Variants in PDE3A observed in about 807,000 individuals in gnomAD.
The protein encoded by PDE3A is phosphodiesterase 3A.
In PDE3A, 43 loss-of-function variants were observed where a neutral mutation model predicts 98.3. The ratio of observed to expected loss-of-function variants is 0.44; its 90% CI spans 0.34 to 0.56. PDE3A has a LOEUF of 0.56. PDE3A is among the 20% of genes least tolerant of loss of function. PDE3A has a pLI of 0.01. For synonymous variants in PDE3A, 663 were observed against 567.9 expected (o/e 1.17, Z -2.38); for missense variants, 1,427 against 1,440.7 (o/e 0.99, Z 0.15).
At chr12:20,564,523 G>T (rs1018515101) in intron 2 of PDE3A, among the ~76,000 whole-genome samples, 3 of 152,044 alleles carry the variant, frequency 2.0e-5, no homozygotes, top group African/African-American at 7.2e-5. Flanking sequence ...AAATCTAATG[G>T]CTAGGTTAGG....
intron 2 of PDE3A, among the ~76,000 whole-genome samples, chr12:20,610,848 T>G (rs558950824): frequency 6.6e-6 from 1 of 151,982 alleles, no homozygotes; most frequent in Non-Finnish European, 1.5e-5. Context: ...GGTCGAATAT[T>G]CAGAGATAGA....
chr12:20,386,069 T>TA (rs35614885), intron 1 of PDE3A, among the ~76,000 whole-genome samples: 1 of 12,072 alleles, frequency 8.3e-5, no homozygotes, highest in African/African-American at 2.1e-4. Flanking sequence ...TAAATATATA[T>TA]AAAATATATA....
chr12:20,519,544 T>C (rs1183624991), intron 1 of PDE3A, among the ~76,000 whole-genome samples: 1 of 152,214 alleles, frequency 6.6e-6, no homozygotes, highest in Admixed American at 6.5e-5. Context: ...ATTCATTAAG[T>C]TCTACATTTA....
At chr12:20,443,726 T>C (rs940147661) in intron 1 of PDE3A, among the ~76,000 whole-genome samples, 3 of 152,198 alleles carry the variant, frequency 2.0e-5, no homozygotes, top group Non-Finnish European at 4.4e-5. Context: ...TAAAAAACCC[T>C]ACTTCCATGA....
chr12:20,570,018 A>G (rs1942758017), intron 2 of PDE3A, among the ~76,000 whole-genome samples: 1 of 152,180 alleles, frequency 6.6e-6, no homozygotes. Flanking sequence ...ACTCACATAA[A>G]CAATAAATAT....
intron 15 of PDE3A, among the ~76,000 whole-genome samples, chr12:20,678,079 G>T (rs544562506): frequency 1.3e-5 from 2 of 152,114 alleles, no homozygotes; most frequent in South Asian, 4.1e-4. Context: ...CCTCTCTGAA[G>T]CAATGCCATC....
chr12:20,556,593 A>T, intron 1 of PDE3A, 67 bp from the exon 2 acceptor site: 1 of 1,010,612 alleles, frequency 9.9e-7, no homozygotes, highest in Non-Finnish European at 1.6e-6. Context: ...TATTCTTTAA[A>T]ATAAAGAAGA....
At chr12:20,564,730 A>G (rs10450684) in intron 2 of PDE3A, among the ~76,000 whole-genome samples, 52 of 152,256 alleles carry the variant, frequency 3.4e-4, no homozygotes, top group African/African-American at 1.3e-3. Context: ...CCACAGAAAT[A>G]AAAGGGAAAA....
At chr12:20,672,368 A>G (rs1319198542) in intron 15 of PDE3A, among the ~76,000 whole-genome samples, 2 of 99,814 alleles carry the variant, frequency 2.0e-5, no homozygotes, top group African/African-American at 8.0e-5. Flanking sequence ...ATATGGAACC[A>G]AAAAAGAGCC....
chr12:20,402,893 A>T (rs1464163435), intron 1 of PDE3A, among the ~76,000 whole-genome samples: 2 of 152,158 alleles, frequency 1.3e-5, no homozygotes, highest in Non-Finnish European at 2.9e-5. Flanking sequence ...CTGCTTGGGT[A>T]CCAGTAAAGA....
At chr12:20,400,918 A>T (rs1251960151) in intron 1 of PDE3A, among the ~76,000 whole-genome samples, 1 of 152,150 alleles carries the variant, frequency 6.6e-6, no homozygotes, top group Non-Finnish European at 1.5e-5. Flanking sequence ...TCTTAAGATT[A>T]GAGGTATGTA....
intron 2 of PDE3A, among the ~76,000 whole-genome samples, chr12:20,570,407 CAAAAAAAAAA>C (rs61242685): frequency 8.1e-4 from 35 of 43,358 alleles, no homozygotes; most frequent in South Asian, 5.6e-3. Flanking sequence ...GACGCTGTCT[CAAAAAAAAAA>C]AAAAAAAAAA....
At chr12:20,438,597 A>G (rs993953718) in intron 1 of PDE3A, among the ~76,000 whole-genome samples, 1 of 152,220 alleles carries the variant, frequency 6.6e-6, no homozygotes, top group Non-Finnish European at 1.5e-5. Flanking sequence ...GCTTTCTGTC[A>G]TAACATCTTT....
chr12:20,621,517 G>T, intron 5 of PDE3A, 106 bp downstream of exon 5: 1 of 640,090 alleles, frequency 1.6e-6, no homozygotes, highest in Non-Finnish European at 2.8e-6. Flanking sequence ...ATTCAGATAT[G>T]TTTGGTTTGT....
chr12:20,532,903 C>T (rs1055766751), intron 1 of PDE3A, among the ~76,000 whole-genome samples: 28 of 152,184 alleles, frequency 1.8e-4, no homozygotes, highest in African/African-American at 6.7e-4. Flanking sequence ...GTCTCGATCT[C>T]CTGACCTCGT....
At chr12:20,461,864 A>G (rs912888018) in intron 1 of PDE3A, among the ~76,000 whole-genome samples, 4 of 152,214 alleles carry the variant, frequency 2.6e-5, no homozygotes, top group Non-Finnish European at 4.4e-5. Flanking sequence ...AGAATGGCTT[A>G]TTATTATCTC....
chr12:20,633,879 G>A (rs78782960), intron 7 of PDE3A, 101 bp downstream of exon 7: 58,744 of 652,288 alleles, frequency 0.09, 3,104 homozygotes, highest in South Asian at 0.17. Flanking sequence ...TTTGTGGGGC[G>A]CTGGGAGACG....
chr12:20,597,555 G>A (rs1214707481), intron 2 of PDE3A, among the ~76,000 whole-genome samples: 2 of 152,030 alleles, frequency 1.3e-5, no homozygotes, highest in Non-Finnish European at 2.9e-5. Flanking sequence ...TGGTGACTCT[G>A]TTCAGAGTGA....
At chr12:20,510,019 A>G (rs542165817) in intron 1 of PDE3A, among the ~76,000 whole-genome samples, 7 of 152,174 alleles carry the variant, frequency 4.6e-5, no homozygotes, top group Non-Finnish European at 1.0e-4. Flanking sequence ...AACATTTCAA[A>G]TGTGCTTGAC....
Sources: gnomAD v4.1 joint callset for allele counts (sites outside exome capture counted in the v4.1 genomes callset) on GRCh38, gnomAD v4.1.1 for gene constraint, MANE v1.5 for transcripts, NCBI Gene and HGNC (gene_info 2026-07-23, HGNC 2026-07-21) for gene names.